DGUOK: variants seen among roughly 807,000 people sequenced by gnomAD.
DGUOK encodes deoxyguanosine kinase, mitochondrial.
Under a neutral mutation model 36.6 loss-of-function variants are expected in DGUOK, and 30 were observed. That is an observed-to-expected ratio of 0.82 (90% confidence interval 0.61 to 1.11). The LOEUF is 1.11. DGUOK is among the 50% of genes most tolerant of loss of function. The pLI, the probability that DGUOK is intolerant of heterozygous loss-of-function variation, is 0.00. For synonymous variants in DGUOK, 145 were observed against 126.3 expected (o/e 1.15, Z -0.99); for missense variants, 361 against 336.4 (o/e 1.07, Z -0.57).
At chr2:73,953,413 GA>G (rs1682846784) in intron 4 of DGUOK, among the ~76,000 whole-genome samples, 1 of 151,990 alleles carries the variant, frequency 6.6e-6, no homozygotes, top group South Asian at 2.1e-4. Context: ...CTTAATGGCA[GA>G]AAAGAAAAAT....
intron 3 of DGUOK, chr2:73,947,671 G>T (rs1358468817): frequency 6.5e-6 from 1 of 153,104 alleles, no homozygotes; most frequent in Non-Finnish European, 1.5e-5. Flanking sequence ...ACCAGGCTGT[G>T]ACTTGAGGTT....
chr2:73,937,900 G>A (rs1275760242), intron 1 of DGUOK, among the ~76,000 whole-genome samples: 1 of 152,158 alleles, frequency 6.6e-6, no homozygotes. Flanking sequence ...TAACTAGTCT[G>A]CCTGCTTCTG....
At chr2:73,933,454 G>A (rs996737130) in intron 1 of DGUOK, among the ~76,000 whole-genome samples, 18 of 152,196 alleles carry the variant, frequency 1.2e-4, no homozygotes, top group Non-Finnish European at 2.6e-4. Flanking sequence ...AAGTGGCGCT[G>A]GAGAGAGTTC....
intron 2 of DGUOK, among the ~76,000 whole-genome samples, chr2:73,942,557 A>G (rs1681978483): frequency 6.6e-6 from 1 of 151,924 alleles, no homozygotes; most frequent in African/African-American, 2.4e-5. Flanking sequence ...TTTAATGGAA[A>G]ACAGTTGATT....
intron 2 of DGUOK, among the ~76,000 whole-genome samples, chr2:73,944,909 C>T (rs1454858146): frequency 6.6e-6 from 1 of 152,000 alleles, no homozygotes. Flanking sequence ...CCTACTTCTA[C>T]CTCCAGCTCT....
At chr2:73,947,650 C>T (rs527263154) in intron 3 of DGUOK, 1 of 153,956 alleles carries the variant, frequency 6.5e-6, no homozygotes, top group South Asian at 2.0e-4. Context: ...ATGCCTGGCT[C>T]TGCTGCAGAG....
intron 4 of DGUOK, among the ~76,000 whole-genome samples, chr2:73,955,161 AG>A (rs1171780600): frequency 1.3e-5 from 2 of 152,238 alleles, no homozygotes; most frequent in African/African-American, 4.8e-5. Flanking sequence ...GTTAGTGTCA[AG>A]GTTTGTCTGC....
Position 73,957,145 on chromosome 2 carries a change from C to G in DGUOK, c.612C>G (p.Tyr204Ter), listed in dbSNP as rs1224234338. 1 of 1,613,902 alleles carries G rather than the reference C, an allele frequency of 6.2e-7. No individual in the cohort carries two copies. Among genetic ancestry groups the G allele is most frequent in the Admixed American group, 1.7e-5 (1 of 60,006 alleles). ...ASPQVCLKRL[Y>*]QRAREEEKGI... ...TTTAGGTTTGTTTGAAGAGACTGTA[C>G]CAGAGGGCCAGGGAGGAGGAGAAAG... Residue 204 changes from tyrosine (Y) to a stop codon, truncating the protein, a stop_gained, in exon 5 of 7, where the codon TAC becomes TAG. Coordinates refer to ENST00000264093, the MANE Select transcript of DGUOK (RefSeq NM_080916.3). LOFTEE classifies it high-confidence loss of function.
At chr2:73,956,422 G>T (rs1272903683) in intron 4 of DGUOK, among the ~76,000 whole-genome samples, 2 of 152,192 alleles carry the variant, frequency 1.3e-5, no homozygotes, top group Non-Finnish European at 2.9e-5. Context: ...GCTGTAGGCG[G>T]TAAAGAGCCT....
chr2:73,956,750 G>A (rs907886220), intron 4 of DGUOK, among the ~76,000 whole-genome samples: 3 of 152,184 alleles, frequency 2.0e-5, no homozygotes, highest in African/African-American at 2.4e-5. Flanking sequence ...AAGAGGACCC[G>A]ACCAGGGCAG....
chr2:73,945,820 C>T (rs186478284), intron 2 of DGUOK, among the ~76,000 whole-genome samples: 22 of 152,210 alleles, frequency 1.4e-4, no homozygotes, highest in Non-Finnish European at 5.9e-5. Flanking sequence ...GACAGGAGTT[C>T]GAGACCAGCC....
intron 2 of DGUOK, among the ~76,000 whole-genome samples, chr2:73,945,831 T>C (rs1682258930): frequency 6.6e-6 from 1 of 152,164 alleles, no homozygotes. Flanking sequence ...GAGACCAGCC[T>C]GGCCAACATG....
intron 4 of DGUOK, among the ~76,000 whole-genome samples, chr2:73,955,108 T>G (rs1258514008): frequency 6.6e-6 from 1 of 152,206 alleles, no homozygotes; most frequent in African/African-American, 2.4e-5. Context: ...TTAAGGAAAT[T>G]AATAGTAAAT....
At chr2:73,941,512 A>G (rs1049833968) in intron 2 of DGUOK, among the ~76,000 whole-genome samples, 3 of 152,226 alleles carry the variant, frequency 2.0e-5, no homozygotes, top group East Asian at 1.9e-4. Context: ...TAAAATATAT[A>G]TACATTTGCT....
At chr2:73,934,819 T>C (rs1475714877) in intron 1 of DGUOK, among the ~76,000 whole-genome samples, 2 of 148,946 alleles carry the variant, frequency 1.3e-5, no homozygotes, top group Non-Finnish European at 3.0e-5. Context: ...ACGCCTGTAA[T>C]CCCAACACTT....
intron 6 of DGUOK, 58 bp from the exon 7 acceptor site, chr2:73,958,652 C>T: frequency 3.5e-6 from 5 of 1,438,496 alleles, no homozygotes; most frequent in South Asian, 3.4e-5. Flanking sequence ...TGGGGGTGGA[C>T]CATTGAAAAT....
intron 1 of DGUOK, among the ~76,000 whole-genome samples, chr2:73,935,054 C>T (rs1681355077): frequency 1.3e-5 from 2 of 151,124 alleles, no homozygotes; most frequent in Non-Finnish European, 1.5e-5. Context: ...CCAGCCTGGG[C>T]AACAGCTAGA....
rs1682378491 is a variant in DGUOK at position 73,946,899 on chromosome 2, A to G, written c.436A>G (p.Ser146Gly). 5 of 1,611,394 alleles carry G rather than the reference A, an allele frequency of 3.1e-6. No homozygotes were observed. Among genetic ancestry groups the G allele is most frequent in the Non-Finnish European group, 4.2e-6 (5 of 1,179,116 alleles). Reference sequence around the variant, plus strand: ...ACAGATCTTTGAGAGGTCTGTGTACAGTGACAGGTAAAATGCCAAGCCCTC... The same window carrying G: ...ACAGATCTTTGAGAGGTCTGTGTACGGTGACAGGTAAAATGCCAAGCCCTC... The part of the protein sequence containing the change: ...PVQIFERSVY[S>G]DRYIFAKNLF... Residue 146 changes from serine to glycine, a missense_variant, in exon 3 of 7, where the codon AGT becomes GGT. Transcript: ENST00000264093.
chr2:73,930,843 T>C (rs1680972316), intron 1 of DGUOK, among the ~76,000 whole-genome samples: 1 of 143,714 alleles, frequency 7.0e-6, no homozygotes, highest in Admixed American at 7.1e-5. Flanking sequence ...GCACCCAGGC[T>C]GCAGTGCAGT....
Sources: gnomAD v4.1 joint callset for allele counts (sites outside exome capture counted in the v4.1 genomes callset) on GRCh38, gnomAD v4.1.1 for gene constraint, MANE v1.5 for transcripts, NCBI Gene and HGNC (gene_info 2026-07-23, HGNC 2026-07-21) for gene names.